The following EML4 variants were observed in gnomAD, a reference collection of about 807,000 sequenced individuals.
The protein encoded by EML4 is EMAP like 4.
EML4 carries 72 observed loss-of-function variants against 129.0 expected under a neutral mutation model. The observed-to-expected ratio is 0.56, with a 90% CI of 0.46 to 0.68. The LOEUF is 0.68. Ranked by LOEUF, EML4 falls within the 30% of genes least tolerant of loss-of-function variation. The probability of loss-of-function intolerance (pLI) is 0.00; values close to 1 mark genes in which losing one functional copy is unlikely to be tolerated. For missense variants in EML4, 1,363 were observed against 1,190.6 expected (o/e 1.14, Z -2.13); for synonymous variants, 532 against 405.0 (o/e 1.31, Z -3.77).
chr2:42,291,569 A>G (rs1419038874), intron 11 of EML4, among the ~76,000 whole-genome samples: 2 of 151,664 alleles, frequency 1.3e-5, no homozygotes, highest in Non-Finnish European at 2.9e-5. Flanking sequence ...ATGCCCAGCT[A>G]ATTTTTGTAT....
intron 2 of EML4, 62 bp downstream of exon 2, chr2:42,245,749 A>G: frequency 6.9e-7 from 1 of 1,447,774 alleles, no homozygotes; most frequent in Non-Finnish European, 9.2e-7. Context: ...TGAAAGTTGA[A>G]GCTGGAAATA....
chr2:42,214,320 A>C (rs2104047211), intron 1 of EML4, among the ~76,000 whole-genome samples: 1 of 152,332 alleles, frequency 6.6e-6, no homozygotes, highest in Non-Finnish European at 1.5e-5. Context: ...TTTGATGCTT[A>C]CCTGAGTTTT....
intron 11 of EML4, among the ~76,000 whole-genome samples, chr2:42,292,737 CTGTG>C (rs1221717071): frequency 1.3e-5 from 2 of 151,682 alleles, no homozygotes; most frequent in African/African-American, 4.9e-5. Context: ...TACTTAAAAT[CTGTG>C]TGCATATATA....
intron 11 of EML4, among the ~76,000 whole-genome samples, chr2:42,293,229 C>T (rs1667752650): frequency 6.6e-6 from 1 of 151,934 alleles, no homozygotes; most frequent in African/African-American, 2.4e-5. Context: ...CCAGCCTCAG[C>T]CTCCCAAGTA....
rs545359152 is a variant in EML4, at chr2:42,306,162, T to C, written c.1967+1611T>C. ...GATCTTCCCCAAAACACGTAAGTAA[T>C]AGATCATGATGAGGTTTAAAAGCAC... On this transcript the variant is annotated intron_variant, in intron 17 of 22. Coordinates refer to ENST00000318522, the MANE Select transcript of EML4 (RefSeq NM_019063.5). Among the ~76,000 whole-genome samples the C allele has an allele frequency of 3.9e-5, 6 of 152,294 alleles. No individual in the cohort carries two copies. The South Asian group carries it at 8.3e-4, about 21-fold the overall frequency.
At chr2:42,248,042 G>T (rs1320970732) in intron 2 of EML4, among the ~76,000 whole-genome samples, 2 of 151,960 alleles carry the variant, frequency 1.3e-5, no homozygotes, top group African/African-American at 4.8e-5. Context: ...CTGTCACCCA[G>T]GCTCACTGTA....
chr2:42,302,703 T>G (rs1168738599), intron 14 of EML4, among the ~76,000 whole-genome samples: 2 of 152,082 alleles, frequency 1.3e-5, no homozygotes, highest in Non-Finnish European at 2.9e-5. Flanking sequence ...CTGGCTGATT[T>G]TTATATTTTT....
At chr2:42,245,085 AT>A (rs1409245105) in intron 1 of EML4, among the ~76,000 whole-genome samples, 1 of 42,144 alleles carries the variant, frequency 2.4e-5, no homozygotes, top group Non-Finnish European at 4.3e-5. Context: ...TTGTTTTGAA[AT>A]TTTCTTTCTT....
At chr2:42,256,680 T>C (rs1339084245) in intron 3 of EML4, 50 bp downstream of exon 3, 2 of 1,602,862 alleles carry the variant, frequency 1.2e-6, no homozygotes, top group Admixed American at 1.7e-5. Context: ...ATTGTCTGAA[T>C]GTGGTAGAGA....
chr2:42,243,788 G>A (rs772500279), intron 1 of EML4, among the ~76,000 whole-genome samples: 9 of 152,244 alleles, frequency 5.9e-5, no homozygotes, highest in Admixed American at 2.6e-4. Flanking sequence ...ATAATGTAAT[G>A]GTGATAGCTT....
Position 42,295,400 on chromosome 2 carries a change from T to C in EML4, c.1373T>C (p.Phe458Ser). The C allele has an allele frequency of 6.2e-7, 1 of 1,612,382 alleles. No homozygotes were observed. The highest frequency in any genetic ancestry group is 2.2e-5 in the East Asian group (1 of 44,860). ...TTGTAGAAATATGAAAAGCCAAAAT[T>C]TGTGCAGTGTTTAGCATTCTTGGGG... The part of the protein sequence containing the change: ...GIFGKYEKPK[F>S]VQCLAFLGNG... Residue 458 changes from phenylalanine (F) to serine (S), a missense_variant, in exon 13 of 23, where the codon TTT becomes TCT. By Grantham distance (155) the Phe-to-Ser change is radical. Transcript: ENST00000318522.
intron 11 of EML4, among the ~76,000 whole-genome samples, chr2:42,294,311 A>G (rs948186597): frequency 6.6e-6 from 1 of 152,148 alleles, no homozygotes; most frequent in African/African-American, 2.4e-5. Flanking sequence ...TTTTGTTTTA[A>G]TTTCTGTAGG....
At chr2:42,181,031 C>T (rs1214264749) in intron 1 of EML4, among the ~76,000 whole-genome samples, 1 of 152,220 alleles carries the variant, frequency 6.6e-6, no homozygotes, top group African/African-American at 2.4e-5. Flanking sequence ...GTGTTTGTCT[C>T]ATTGCATCCT....
intron 1 of EML4, among the ~76,000 whole-genome samples, chr2:42,196,859 C>T (rs1671924196): frequency 6.6e-6 from 1 of 152,084 alleles, no homozygotes. Flanking sequence ...CACCCTGCCT[C>T]CACCCTGCCC....
intron 17 of EML4, among the ~76,000 whole-genome samples, chr2:42,314,271 A>G (rs1299290640): frequency 6.6e-6 from 1 of 152,106 alleles, no homozygotes; most frequent in Admixed American, 6.5e-5. Flanking sequence ...AGGCATGAGA[A>G]TCGCTTGAAC....
intron 1 of EML4, among the ~76,000 whole-genome samples, chr2:42,193,868 T>C (rs923586060): frequency 1.3e-5 from 2 of 152,026 alleles, no homozygotes; most frequent in Non-Finnish European, 2.9e-5. Context: ...TTATGTTTTG[T>C]AGAGACAGGA....
chr2:42,261,497 G>GAAAA (rs10573221), intron 4 of EML4: 4 of 219,848 alleles, frequency 1.8e-5, no homozygotes, highest in African/African-American at 2.6e-5. Flanking sequence ...GTTAAAACTG[G>GAAAA]AAAAAAAAAA....
At chr2:42,327,047 T>G (rs1005994405) in intron 21 of EML4, among the ~76,000 whole-genome samples, 2 of 152,218 alleles carry the variant, frequency 1.3e-5, no homozygotes, top group African/African-American at 2.4e-5. Flanking sequence ...ACCACTAATC[T>G]GTTATTGATT....
At chr2:42,316,134 A>G in intron 18 of EML4, 84 bp downstream of exon 18, 2 of 910,838 alleles carry the variant, frequency 2.2e-6, no homozygotes, top group Non-Finnish European at 3.5e-6. Context: ...AATAAGGCTG[A>G]CTACTTTTTT....
Sources: allele counts gnomAD v4.1 joint callset (sites outside exome capture counted in the v4.1 genomes callset), GRCh38; gene constraint gnomAD v4.1.1; transcripts MANE v1.5; gene names NCBI Gene and HGNC (gene_info 2026-07-23, HGNC 2026-07-21).